UBE2G2: variants seen among roughly 807,000 people sequenced by gnomAD.
UBE2G2 encodes ubiquitin conjugating enzyme E2 G2.
A neutral mutation model predicts 23.0 loss-of-function variants in UBE2G2; 10 were observed. The observed-to-expected ratio is 0.43, with a 90% CI of 0.27 to 0.74. The LOEUF (loss-of-function observed/expected upper bound fraction) is 0.74. Among genes scored for constraint, UBE2G2 ranks in the 30% least tolerant of loss-of-function variants. UBE2G2 has a pLI of 0.19. For synonymous variants in UBE2G2, 86 were observed against 81.3 expected (o/e 1.06, Z -0.31); for missense variants, 150 against 218.3 (o/e 0.69, Z 1.97).
intron 1 of UBE2G2, among the ~76,000 whole-genome samples, chr21:44,788,755 C>T (rs868964767): frequency 1.3e-5 from 2 of 150,072 alleles, no homozygotes; most frequent in African/African-American, 4.9e-5. Flanking sequence ...GGCTGGAGTC[C>T]AGTGGGCAAC....
At chr21:44,793,230 C>T (rs775974165) in intron 1 of UBE2G2, among the ~76,000 whole-genome samples, 1 of 152,230 alleles carries the variant, frequency 6.6e-6, no homozygotes, top group African/African-American at 2.4e-5. Flanking sequence ...CAGTGGGCAA[C>T]TAAGTAGAGG....
rs201302246 is a variant in UBE2G2, at chr21:44,777,402, G to C, written c.141C>G (p.Thr47=). Reference sequence around the variant, plus strand: ...CAGGAAAAACACCAAACTCAAAGCAGGTGTCTTCTGGGCCCCTAGAAGATA... The same window carrying C: ...CAGGAAAAACACCAAACTCAAAGCACGTGTCTTCTGGGCCCCTAGAAGATA... ...WEALIMGPED[T]CFEFGVFPAI... is the part of the protein sequence containing the mutation. The change falls in exon 4 of 6, where the codon ACC becomes ACG. Residue 47 remains threonine, a synonymous_variant. Coordinates refer to ENST00000345496, the MANE Select transcript of UBE2G2 (RefSeq NM_003343.6). The C allele has an allele frequency of 5.0e-6, 8 of 1,614,040 alleles. No homozygotes were observed. Among genetic ancestry groups the C allele is most frequent in the Non-Finnish European group, 6.8e-6 (8 of 1,179,998 alleles).
chr21:44,781,465 C>T (rs898020057), intron 3 of UBE2G2, among the ~76,000 whole-genome samples: 11 of 152,240 alleles, frequency 7.2e-5, no homozygotes, highest in African/African-American at 2.7e-4. Context: ...ACACAGCCCC[C>T]ACACTGGGCA....
chr21:44,775,594 A>C (rs1472818588), intron 4 of UBE2G2, among the ~76,000 whole-genome samples: 2 of 152,230 alleles, frequency 1.3e-5, no homozygotes, highest in East Asian at 3.8e-4. Context: ...CCAGAACATT[A>C]AAAATAATAA....
Position 44,772,545 on chromosome 21 carries a change from G to A in UBE2G2, c.385+1002C>T, listed in dbSNP as rs782617622. ...CCTCCCTGCTATGCTGTCACCCTCC[G>A]TCCTACTCCATCACCTACTGCCTCA... is the stretch of plus-strand genomic sequence containing the variant. On this transcript the variant is annotated intron_variant, in intron 5 of 5. Transcript: ENST00000345496. This position sits in a 1 kb window ranked among gnomAD's most constrained non-coding sequence, Gnocchi z 5.4. Among the ~76,000 whole-genome samples, 3 of 151,754 alleles carry A rather than the reference G, an allele frequency of 2.0e-5. No individual in the cohort carries two copies. The highest frequency in any genetic ancestry group is 1.9e-4 in the East Asian group (1 of 5,172).
chr21:44,794,224 T>G (rs1320623765), intron 1 of UBE2G2, among the ~76,000 whole-genome samples: 3 of 152,252 alleles, frequency 2.0e-5, no homozygotes, highest in Admixed American at 1.3e-4. Context: ...ACATTTCTGT[T>G]GTTTAAGCCG....
At chr21:44,782,165 A>C (rs2082962197) in intron 3 of UBE2G2, among the ~76,000 whole-genome samples, 1 of 151,926 alleles carries the variant, frequency 6.6e-6, no homozygotes, top group African/African-American at 2.4e-5. Flanking sequence ...TCCCAAAATC[A>C]CCTCCTTGAG....
intron 1 of UBE2G2, chr21:44,801,411 G>GA (rs1384005281): frequency 2.8e-5 from 34 of 1,217,204 alleles, no homozygotes; most frequent in Non-Finnish European, 3.3e-5. Flanking sequence ...GCCAAGAAAA[G>GA]AAAAAATAGA....
intron 3 of UBE2G2, among the ~76,000 whole-genome samples, chr21:44,785,037 C>T (rs2082984591): frequency 6.6e-6 from 1 of 152,194 alleles, no homozygotes; most frequent in South Asian, 2.1e-4. Flanking sequence ...GCTACACCCC[C>T]GTCACCGTGG....
At chr21:44,792,343 G>A (rs1438860475) in intron 1 of UBE2G2, among the ~76,000 whole-genome samples, 3 of 152,270 alleles carry the variant, frequency 2.0e-5, no homozygotes, top group East Asian at 1.9e-4. Context: ...GTCCCTACCC[G>A]AATCTCACCT....
intron 1 of UBE2G2, among the ~76,000 whole-genome samples, chr21:44,789,913 G>A (rs896636351): frequency 2.6e-4 from 40 of 152,140 alleles, no homozygotes; most frequent in African/African-American, 9.6e-4. Context: ...CCATGTAAGG[G>A]CACAAGGAGA....
At chr21:44,796,249 C>G (rs2083087997) in intron 1 of UBE2G2, among the ~76,000 whole-genome samples, 1 of 152,190 alleles carries the variant, frequency 6.6e-6, no homozygotes. Flanking sequence ...TGTTTATGAA[C>G]CTAGGCAAAA....
intron 3 of UBE2G2, among the ~76,000 whole-genome samples, chr21:44,780,184 C>T (rs980280236): frequency 6.6e-6 from 1 of 152,244 alleles, no homozygotes; most frequent in Admixed American, 6.5e-5. Flanking sequence ...AAGTTATTTG[C>T]AAATGCTCCG....
At position 44,771,562 on chromosome 21, in the gene UBE2G2, T is replaced by TA; in HGVS notation, c.386-74dup. ...AAGCAGCCTGGCAAGGTCTCCCATTTATTTAAAACACTGGCGGGGGCTTTC... is the reference window on the plus strand; with the variant it reads ...AAGCAGCCTGGCAAGGTCTCCCATTTAATTTAAAACACTGGCGGGGGCTTTC... On this transcript the variant is annotated intron_variant, in intron 5 of 5. Coordinates refer to ENST00000345496, the MANE Select transcript of UBE2G2 (RefSeq NM_003343.6). This position sits in a 1 kb window ranked among gnomAD's most constrained non-coding sequence, Gnocchi z 4.6. The TA allele has an allele frequency of 1.4e-5, 21 of 1,455,728 alleles. No homozygotes were observed. In the South Asian group the frequency reaches 2.4e-4, roughly 17 times the overall value. The allele number at this position is 1,455,728 out of a possible 1,614,324, so 90.2% of individuals were successfully genotyped here. A position where few individuals can be genotyped will look rare whatever the true frequency, so the allele number is the denominator to read the frequency against.
intron 1 of UBE2G2, among the ~76,000 whole-genome samples, chr21:44,790,236 T>G (rs1555962765): frequency 6.6e-6 from 1 of 152,226 alleles, no homozygotes; most frequent in African/African-American, 2.4e-5. Flanking sequence ...AGATCTCTCA[T>G]GCACCACTGA....
intron 1 of UBE2G2, among the ~76,000 whole-genome samples, chr21:44,793,885 A>G (rs1369432537): frequency 6.6e-5 from 10 of 152,230 alleles, no homozygotes; most frequent in Admixed American, 6.5e-4. Context: ...ATTAAAAAGA[A>G]CTTGAGTGTC....
In UBE2G2 at chr21:44,794,532, TTTTTG is replaced by T. The variant is rs1234605638; in HGVS notation, c.44-6442_44-6438del. 4.4e-5 allele frequency among the ~76,000 whole-genome samples: 6 copies of T among 135,142 alleles called. No individual in the cohort carries two copies. In the South Asian group the frequency reaches 1.4e-3, roughly 32 times the overall value. 88.7% of individuals were successfully genotyped at this position (135,142 alleles called of 152,430 possible). On this transcript the variant is annotated intron_variant, in intron 1 of 5. Coordinates refer to ENST00000345496, the MANE Select transcript of UBE2G2 (RefSeq NM_003343.6). ...CATCGAAATAATAAAAACCCTTCTT[TTTTTG>T]TTTTTTTTTTTTTTTGAGACGGAGT... is the stretch of plus-strand genomic sequence containing the variant.
chr21:44,780,666 A>G (rs2838681), intron 3 of UBE2G2, among the ~76,000 whole-genome samples: 17,446 of 152,154 alleles, frequency 0.11, 1,981 homozygotes, highest in African/African-American at 0.29. Flanking sequence ...TAGATACAAA[A>G]GCAAATATTG....
intron 3 of UBE2G2, among the ~76,000 whole-genome samples, chr21:44,784,344 T>C (rs2082979055): frequency 6.6e-6 from 1 of 152,178 alleles, no homozygotes; most frequent in Non-Finnish European, 1.5e-5. Flanking sequence ...CTGAACTGTT[T>C]TACAGCTACA....
Sources: gnomAD v4.1 joint callset for allele counts (sites outside exome capture counted in the v4.1 genomes callset) on GRCh38, gnomAD v4.1.1 for gene constraint, Gnocchi (gnomAD v3.1) non-coding constraint, MANE v1.5 for transcripts, NCBI Gene and HGNC (gene_info 2026-07-23, HGNC 2026-07-21) for gene names.